The following NCKAP5 variants were observed in gnomAD, a reference collection of about 807,000 sequenced individuals.
NCKAP5 encodes nck-associated protein 5.
A neutral mutation model predicts 167.0 loss-of-function variants in NCKAP5; 92 were observed. The ratio of observed to expected loss-of-function variants is 0.55; its 90% CI spans 0.47 to 0.66. The LOEUF (loss-of-function observed/expected upper bound fraction) is 0.66, where lower values mean the gene tolerates loss of function less well. Among genes scored for constraint, NCKAP5 ranks in the 30% least tolerant of loss-of-function variants. The pLI, the probability that NCKAP5 is intolerant of heterozygous loss-of-function variation, is 0.00. For missense variants in NCKAP5, 2,378 were observed against 2,315.0 expected, an observed-to-expected ratio of 1.03 and a Z score of -0.56; for synonymous variants, 891 against 877.4, an observed-to-expected ratio of 1.02 and a Z score of -0.27.
chr2:133,565,199 A>G (rs1380312939), intron 1 of NCKAP5, among the ~76,000 whole-genome samples: 1 of 152,216 alleles, frequency 6.6e-6, no homozygotes, highest in Non-Finnish European at 1.5e-5. Flanking sequence ...AGCTCCTGGT[A>G]GCTAGGCCAG....
intron 8 of NCKAP5, among the ~76,000 whole-genome samples, chr2:132,893,930 G>T (rs1403297797): frequency 6.6e-6 from 1 of 152,128 alleles, no homozygotes; most frequent in Non-Finnish European, 1.5e-5. Flanking sequence ...AAGTAACAGA[G>T]CCCTAGGAGA....
chr2:133,061,071 AAAAAC>A (rs2079981543), intron 6 of NCKAP5, among the ~76,000 whole-genome samples: 1 of 126,200 alleles, frequency 7.9e-6, no homozygotes. Flanking sequence ...ATATTAAAAA[AAAAAC>A]AAAACAACAA....
chr2:133,132,157 G>A (rs769862211), intron 5 of NCKAP5, among the ~76,000 whole-genome samples: 17 of 151,822 alleles, frequency 1.1e-4, no homozygotes, highest in African/African-American at 3.1e-4. Context: ...GTGTGTTGGC[G>A]GGTGCCTATA....
chr2:132,719,441 A>G (rs1044371013), intron 19 of NCKAP5, among the ~76,000 whole-genome samples: 2 of 152,210 alleles, frequency 1.3e-5, no homozygotes, highest in African/African-American at 4.8e-5. Flanking sequence ...GAACATATTT[A>G]ACGTGTACCT....
intron 11 of NCKAP5, among the ~76,000 whole-genome samples, chr2:132,820,896 C>A (rs1686680155): frequency 6.6e-6 from 1 of 152,098 alleles, no homozygotes; most frequent in African/African-American, 2.4e-5. Context: ...TGGGCTTATC[C>A]TGCGTGATAA....
chr2:133,314,333 A>G (rs1681454023), intron 3 of NCKAP5, among the ~76,000 whole-genome samples: 2 of 152,142 alleles, frequency 1.3e-5, no homozygotes, highest in South Asian at 4.1e-4. Flanking sequence ...GTTTGCTGCT[A>G]CTTATGGCTC....
the NCKAP5 span, among the ~76,000 whole-genome samples, chr2:133,657,947 T>C: frequency 6.6e-6 from 1 of 152,052 alleles, no homozygotes; most frequent in Non-Finnish European, 1.5e-5. Context: ...CCGCAAGATT[T>C]TGATGGATAA....
chr2:133,384,018 C>G (rs1350550297), intron 3 of NCKAP5, among the ~76,000 whole-genome samples: 1 of 152,178 alleles, frequency 6.6e-6, no homozygotes, highest in Non-Finnish European at 1.5e-5. Context: ...CCTGTTCACT[C>G]TGATGGTAGT....
chr2:133,079,103 C>G (rs1481885680), intron 6 of NCKAP5, among the ~76,000 whole-genome samples: 1 of 152,090 alleles, frequency 6.6e-6, no homozygotes, highest in African/African-American at 2.4e-5. Context: ...TTTATTCAGC[C>G]AAGCAATTTC....
chr2:133,370,379 G>A (rs1685720577), intron 3 of NCKAP5, among the ~76,000 whole-genome samples: 1 of 152,164 alleles, frequency 6.6e-6, no homozygotes, highest in Non-Finnish European at 1.5e-5. Flanking sequence ...GGAAGGACAG[G>A]AAGGACATGC....
chr2:132,872,760 G>T (rs988769514), intron 9 of NCKAP5, among the ~76,000 whole-genome samples: 2 of 152,226 alleles, frequency 1.3e-5, no homozygotes, highest in African/African-American at 4.8e-5. Context: ...TTTTGAAAAT[G>T]TGCTTTGGAG....
intron 8 of NCKAP5, among the ~76,000 whole-genome samples, chr2:132,963,378 A>G (rs2076573923): frequency 2.0e-5 from 3 of 152,150 alleles, no homozygotes; most frequent in African/African-American, 7.2e-5. Context: ...TCATTCATTC[A>G]TTCATTCATT....
chr2:132,863,744 A>G (rs1423635705), intron 10 of NCKAP5, among the ~76,000 whole-genome samples: 1 of 152,212 alleles, frequency 6.6e-6, no homozygotes, highest in African/African-American at 2.4e-5. Context: ...ATAGGAAAGA[A>G]TCGCTTGCGT....
chr2:133,268,381 TG>T (rs2089341482), intron 4 of NCKAP5: 1 of 152,140 alleles, frequency 6.6e-6, no homozygotes, highest in Non-Finnish European at 1.5e-5. Flanking sequence ...ACATACATCA[TG>T]GTGACTTTAT....
intron 4 of NCKAP5, among the ~76,000 whole-genome samples, chr2:133,235,391 A>G (rs1287527531): frequency 1.3e-5 from 2 of 152,048 alleles, no homozygotes; most frequent in African/African-American, 4.8e-5. Context: ...TGGTGACTGT[A>G]TTGATTAAAA....
the NCKAP5 span, among the ~76,000 whole-genome samples, chr2:133,600,437 A>G: frequency 1.3e-5 from 2 of 152,194 alleles, no homozygotes; most frequent in Non-Finnish European, 2.9e-5. Flanking sequence ...CAGCAAACAC[A>G]CAAAACCCTT....
At chr2:132,917,813 A>C (rs545421495) in intron 8 of NCKAP5, among the ~76,000 whole-genome samples, 1 of 152,142 alleles carries the variant, frequency 6.6e-6, no homozygotes, top group Non-Finnish European at 1.5e-5. Flanking sequence ...CTTCTCTCCA[A>C]TCACTCTGTC....
intron 12 of NCKAP5, among the ~76,000 whole-genome samples, chr2:132,792,425 C>G (rs956135996): frequency 6.6e-6 from 1 of 152,230 alleles, no homozygotes; most frequent in Admixed American, 6.5e-5. Flanking sequence ...AGAGCAGCAA[C>G]TGCCATTTCA....
chr2:133,043,705 C>A (rs1430762071), intron 6 of NCKAP5, among the ~76,000 whole-genome samples: 1 of 152,152 alleles, frequency 6.6e-6, no homozygotes, highest in African/African-American at 2.4e-5. Flanking sequence ...AAGCTTCTCA[C>A]AGGATGCCTA....
Sources: gnomAD v4.1 joint callset for allele counts (sites outside exome capture counted in the v4.1 genomes callset) on GRCh38, gnomAD v4.1.1 for gene constraint, MANE v1.5 for transcripts, NCBI Gene and HGNC (gene_info 2026-07-23, HGNC 2026-07-21) for gene names.